The following MFSD8 variants were observed in gnomAD, a reference collection of about 807,000 sequenced individuals.
The protein encoded by MFSD8 is major facilitator superfamily domain containing 8, also known as major facilitator superfamily domain-containing protein 8.
MFSD8 carries 55 observed loss-of-function variants against 66.4 expected under a neutral mutation model. The ratio of observed to expected loss-of-function variants is 0.83; its 90% CI spans 0.67 to 1.04. MFSD8 has a LOEUF of 1.04. Ranked by LOEUF, MFSD8 falls within the 50% of genes least tolerant of loss-of-function variation. The probability of loss-of-function intolerance (pLI) is 0.00; values close to 1 mark genes in which losing one functional copy is unlikely to be tolerated. For missense variants in MFSD8, 550 were observed against 627.6 expected (o/e 0.88, Z 1.32); for synonymous variants, 202 against 212.8 (o/e 0.95, Z 0.44).
intron 7 of MFSD8, 68 bp from the exon 8 acceptor site, chr4:127,933,161 G>A: frequency 1.5e-6 from 2 of 1,309,060 alleles, no homozygotes. Context: ...TTAAAGTAAT[G>A]TAGAAATTAC....
rs1346790593 is a variant in MFSD8 at position 127,939,487 on chromosome 4, C to T, written c.698+366G>A. Reference sequence around the variant, plus strand: ...TGGATGTGTTGGCATGCACCTGTAGCCCCAGCTACTCGGGAAGCTGAGGTA... The same window carrying T: ...TGGATGTGTTGGCATGCACCTGTAGTCCCAGCTACTCGGGAAGCTGAGGTA... On this transcript the variant is annotated intron_variant, in intron 6 of 11. Transcript: ENST00000641686. 4 of 180,546 alleles carry T rather than the reference C, an allele frequency of 2.2e-5. No homozygotes were observed. In the South Asian group the frequency reaches 4.7e-4, roughly 21 times the overall value. The allele number at this position is 180,546 out of a possible 1,614,324, so 11.2% of individuals were successfully genotyped here. A position where few individuals can be genotyped will look rare whatever the true frequency, so the allele number is the denominator to read the frequency against.
chr4:127,940,169 T>C (rs1739920111), intron 5 of MFSD8, among the ~76,000 whole-genome samples, 172 bp from the exon 6 acceptor site: 1 of 152,166 alleles, frequency 6.6e-6, no homozygotes, highest in Non-Finnish European at 1.5e-5. Context: ...AAATTTCCTC[T>C]TTTTATGTAT....
intron 2 of MFSD8, 67 bp from the exon 3 acceptor site, chr4:127,949,914 CT>C (rs1358884304): frequency 7.1e-7 from 1 of 1,404,316 alleles, no homozygotes; most frequent in Non-Finnish European, 9.9e-7. Context: ...ATACAATTTT[CT>C]GAACCGTGGC....
At chr4:127,939,423 C>A (rs1389074724) in intron 6 of MFSD8, 2 of 162,610 alleles carry the variant, frequency 1.2e-5, no homozygotes, top group Non-Finnish European at 2.7e-5. Flanking sequence ...GTCAGGAGTT[C>A]AAGATCAGCC....
chr4:127,934,960 T>A (rs1738817224), intron 7 of MFSD8, among the ~76,000 whole-genome samples: 1 of 151,856 alleles, frequency 6.6e-6, no homozygotes, highest in African/African-American at 2.4e-5. Flanking sequence ...TGGGGGGGCT[T>A]TCCTAAGATG....
chr4:127,956,724 A>T (rs868797655), intron 2 of MFSD8, among the ~76,000 whole-genome samples: 11 of 150,452 alleles, frequency 7.3e-5, no homozygotes, highest in Middle Eastern at 3.4e-3. Flanking sequence ...AGGCTGGGGC[A>T]GGCGAATCGC....
At chr4:127,940,797 A>G (rs1443937339) in intron 5 of MFSD8, among the ~76,000 whole-genome samples, 1 of 151,940 alleles carries the variant, frequency 6.6e-6, no homozygotes, top group African/African-American at 2.4e-5. Flanking sequence ...CTTCTGATTT[A>G]GATTCAATAT....
Position 127,920,831 on chromosome 4 carries a change from T to A in MFSD8, c.1356A>T (p.Val452=). The change falls in exon 12 of 12, where the codon GTA becomes GTT. Residue 452 remains valine (V), a synonymous_variant. Transcript: ENST00000641686. ...SKILGPKPQG[V]YMGWLTASGS... is the part of the protein sequence containing the mutation. ...CAGATGCTGTTAACCAGCCCATGTA[T>A]ACACCCTGTTGGGGGTGAAATGGAG... 6.2e-7 allele frequency: 1 copy of A among 1,613,680 alleles called. No individual in the cohort carries two copies. The highest frequency in any genetic ancestry group is 8.5e-7 in the Non-Finnish European group (1 of 1,179,882).
At chr4:127,924,591 G>A (rs1013395958) in intron 9 of MFSD8, among the ~76,000 whole-genome samples, 1 of 152,042 alleles carries the variant, frequency 6.6e-6, no homozygotes, top group Non-Finnish European at 1.5e-5. Context: ...ACATAAGAGA[G>A]GACACAAACA....
At chr4:127,921,493 T>C in intron 11 of MFSD8, 31 bp downstream of exon 11, 4 of 1,613,780 alleles carry the variant, frequency 2.5e-6, no homozygotes, top group Non-Finnish European at 3.4e-6. Context: ...GTATATTTTC[T>C]ATAATTGCAA....
intron 9 of MFSD8, among the ~76,000 whole-genome samples, chr4:127,925,697 T>G (rs145235965): frequency 0.014 from 2,185 of 152,286 alleles, 63 homozygotes; most frequent in African/African-American, 0.05. Flanking sequence ...CCCAAGGATC[T>G]AGAACCAGAA....
intron 9 of MFSD8, among the ~76,000 whole-genome samples, chr4:127,925,504 G>C (rs144502902): frequency 0.027 from 4,095 of 152,224 alleles, 161 homozygotes; most frequent in African/African-American, 0.093. Context: ...ATCATCACTG[G>C]TCATTAGAGA....
chr4:127,920,241 T>C lies in MFSD8; in HGVS notation c.*389A>G, dbSNP rs1257523337. 1 of 172,744 alleles carries C rather than the reference T, an allele frequency of 5.8e-6. No individual in the cohort carries two copies. The highest frequency in any genetic ancestry group is 1.6e-4 in the East Asian group (1 of 6,256). The allele number at this position is 172,744 out of a possible 1,614,324, so 10.7% of individuals were successfully genotyped here. A position where few individuals can be genotyped will look rare whatever the true frequency, so the allele number is the denominator to read the frequency against. On this transcript the variant is annotated 3_prime_UTR_variant, in exon 12 of 12. Transcript: ENST00000641686. ...GGTATTTAAAATTCTATAATTTTGT[T>C]CTGCTATGGCTAATTCTTACAGAAC...
At chr4:127,925,058 G>T (rs1470024730) in intron 9 of MFSD8, among the ~76,000 whole-genome samples, 9 of 151,972 alleles carry the variant, frequency 5.9e-5, no homozygotes, top group Non-Finnish European at 1.0e-4. Context: ...ACTGAGACTG[G>T]GCCCCTTCTT....
intron 7 of MFSD8, among the ~76,000 whole-genome samples, chr4:127,937,506 T>C (rs76746204): frequency 3.3e-5 from 5 of 152,220 alleles, no homozygotes; most frequent in Admixed American, 6.5e-5. Flanking sequence ...TAGTCAAAAT[T>C]AATACTTTTA....
intron 2 of MFSD8, among the ~76,000 whole-genome samples, chr4:127,951,821 C>T (rs1292021390): frequency 6.6e-6 from 1 of 150,956 alleles, no homozygotes; most frequent in East Asian, 2.0e-4. Context: ...CTCCGCCTCC[C>T]GGGTTCAAGC....
chr4:127,962,717 C>A (rs1297516259), intron 1 of MFSD8, among the ~76,000 whole-genome samples: 1 of 151,448 alleles, frequency 6.6e-6, no homozygotes, highest in Non-Finnish European at 1.5e-5. Context: ...GGTATAGAAG[C>A]AAACAGTCCC....
chr4:127,936,913 T>G (rs1739173211), intron 7 of MFSD8, among the ~76,000 whole-genome samples: 1 of 152,214 alleles, frequency 6.6e-6, no homozygotes, highest in Admixed American at 6.5e-5. Context: ...ATCTTCCCTT[T>G]GTCATACCTC....
chr4:127,965,154 G>A lies in MFSD8; in HGVS notation c.-21C>T, dbSNP rs200352565. ...GCCATAGTTACACTCCCTACAAGGC[G>A]TCTTGCGCCCAACTCTCGCGACACC... On this transcript the variant is annotated 5_prime_UTR_variant, in exon 1 of 12. In the 5' UTR this introduces an upstream ATG that the reference lacks. Coordinates refer to ENST00000641686, the MANE Select transcript of MFSD8 (RefSeq NM_001371596.2). The A allele has an allele frequency of 9.3e-6, 15 of 1,613,624 alleles. No individual in the cohort carries two copies. Among genetic ancestry groups the A allele is most frequent in the South Asian group, 1.1e-5 (1 of 91,026 alleles).
Sources: allele counts gnomAD v4.1 joint callset (sites outside exome capture counted in the v4.1 genomes callset), GRCh38; gene constraint gnomAD v4.1.1; transcripts MANE v1.5; gene names NCBI Gene and HGNC (gene_info 2026-07-23, HGNC 2026-07-21).